Variants in ANP32B observed in about 807,000 individuals in gnomAD.
ANP32B encodes acidic leucine-rich nuclear phosphoprotein 32 family member B.
ANP32B carries 6 observed loss-of-function variants against 32.2 expected under a neutral mutation model. That is an observed-to-expected ratio of 0.19 (90% CI 0.10 to 0.37). ANP32B has a LOEUF of 0.37. Among genes scored for constraint, ANP32B ranks in the 10% least tolerant of loss-of-function variants. The probability of loss-of-function intolerance (pLI) is 1.00; values close to 1 mark genes in which losing one functional copy is unlikely to be tolerated. For synonymous variants in ANP32B, 98 were observed against 105.8 expected (o/e 0.93, Z 0.45); for missense variants, 204 against 289.2 (o/e 0.71, Z 2.14).
chr9:98,011,184 T>A, intron 4 of ANP32B, 87 bp from the exon 5 acceptor site: 1 of 1,490,942 alleles, frequency 6.7e-7, no homozygotes, highest in Non-Finnish European at 8.9e-7. Flanking sequence ...CAGCATTTGT[T>A]CTGTGAGCCA....
intron 4 of ANP32B, among the ~76,000 whole-genome samples, chr9:98,007,341 G>C (rs1564140774): frequency 1.3e-5 from 2 of 152,316 alleles, no homozygotes; most frequent in South Asian, 4.1e-4. Flanking sequence ...TCCTCTTTGA[G>C]CTAGCACCAT....
At chr9:98,005,387 C>T (rs1426807242) in intron 4 of ANP32B, 1 of 287,040 alleles carries the variant, frequency 3.5e-6, no homozygotes, top group Non-Finnish European at 6.6e-6. Flanking sequence ...TGGTGGCGCA[C>T]ACCTGGAGTC....
intron 1 of ANP32B, among the ~76,000 whole-genome samples, chr9:97,985,351 C>T (rs900140963): frequency 1.3e-5 from 2 of 152,228 alleles, no homozygotes; most frequent in South Asian, 2.1e-4. Context: ...CACCGCACGG[C>T]GCTGTCCTTC....
intron 4 of ANP32B, among the ~76,000 whole-genome samples, chr9:98,007,781 A>T (rs1828112075): frequency 6.6e-6 from 1 of 152,172 alleles, no homozygotes; most frequent in Non-Finnish European, 1.5e-5. Flanking sequence ...GTTTTGCAGG[A>T]TGTGATTAAA....
chr9:98,011,994 G>C (rs935601478), intron 5 of ANP32B, among the ~76,000 whole-genome samples: 1 of 152,158 alleles, frequency 6.6e-6, no homozygotes, highest in Non-Finnish European at 1.5e-5. Flanking sequence ...TTAACAAAAC[G>C]CATCCTCTTT....
At chr9:98,004,863 G>A (rs1460050408) in intron 3 of ANP32B, 101 bp from the exon 4 acceptor site, 1 of 912,780 alleles carries the variant, frequency 1.1e-6, no homozygotes, top group South Asian at 1.8e-5. Context: ...GTGGGTAGTG[G>A]AAATTGAATA....
intron 4 of ANP32B, among the ~76,000 whole-genome samples, chr9:98,011,058 A>G (rs1321252039): frequency 6.6e-6 from 1 of 152,090 alleles, no homozygotes; most frequent in East Asian, 1.9e-4. Flanking sequence ...CGAGAATTAT[A>G]GTGTTTGTCT....
chr9:98,007,399 TAGAG>T (rs368406117), intron 4 of ANP32B, among the ~76,000 whole-genome samples: 48 of 152,300 alleles, frequency 3.2e-4, no homozygotes, highest in African/African-American at 1.1e-3. Context: ...GCATAGTTGT[TAGAG>T]AGGATTGATG....
intron 4 of ANP32B, 198 bp downstream of exon 4, chr9:98,005,351 T>C (rs929752992): frequency 1.6e-5 from 6 of 365,176 alleles, no homozygotes; most frequent in South Asian, 4.6e-5. Context: ...CTACAGAAAA[T>C]AGAAAAAAAA....
chr9:98,011,898 A>G (rs567183722), intron 5 of ANP32B, among the ~76,000 whole-genome samples: 1 of 152,358 alleles, frequency 6.6e-6, no homozygotes, highest in South Asian at 2.1e-4. Context: ...CCCTGAGGAA[A>G]TAAATGCTAT....
intron 4 of ANP32B, among the ~76,000 whole-genome samples, chr9:98,008,481 G>C (rs1189426360): frequency 6.6e-6 from 1 of 152,220 alleles, no homozygotes; most frequent in Non-Finnish European, 1.5e-5. Flanking sequence ...AACTGGTTGA[G>C]ATCACAAATG....
chr9:98,012,620 T>C, intron 6 of ANP32B, 148 bp downstream of exon 6: 2 of 1,248,404 alleles, frequency 1.6e-6, no homozygotes, highest in Non-Finnish European at 2.2e-6. Context: ...TATCGTCCCA[T>C]CAGTGTGTCT....
chr9:97,987,264 TA>T (rs2131580136), intron 1 of ANP32B, among the ~76,000 whole-genome samples: 1 of 152,314 alleles, frequency 6.6e-6, no homozygotes, highest in Non-Finnish European at 1.5e-5. Context: ...GATGGCATTT[TA>T]AAGTAATCTT....
chr9:98,007,154 A>T (rs1828100261), intron 4 of ANP32B, among the ~76,000 whole-genome samples: 1 of 152,250 alleles, frequency 6.6e-6, no homozygotes, highest in South Asian at 2.1e-4. Context: ...CACTGAGAAC[A>T]TCTCATTCTT....
Position 98,015,669 on chromosome 9 carries a change from GT to G in ANP32B, c.*243del. 8.4e-7 allele frequency: 1 copy of G among 1,197,326 alleles called. No individual in the cohort carries two copies. Among genetic ancestry groups the G allele is most frequent in the South Asian group, 2.5e-5 (1 of 40,034 alleles). 74.2% of individuals were successfully genotyped at this position (1,197,326 alleles called of 1,614,324 possible). A position where few individuals can be genotyped will look rare whatever the true frequency, so the allele number is the denominator to read the frequency against. On this transcript the variant is annotated 3_prime_UTR_variant, in exon 7 of 7. Coordinates refer to ENST00000339399, the MANE Select transcript of ANP32B (RefSeq NM_006401.3). ...CCAACAAAATTGTAAGCGTTGTTAG[GT>G]TTTTGTGTAAGATTCTTGCTGTAGC... is the stretch of plus-strand genomic sequence containing the variant.
chr9:98,011,541 G>A (rs1408300037), intron 5 of ANP32B, 152 bp downstream of exon 5: 3 of 1,238,938 alleles, frequency 2.4e-6, no homozygotes, highest in Non-Finnish European at 3.3e-6. Context: ...TTAATTTAGT[G>A]TTTGTCTGGC....
intron 5 of ANP32B, 139 bp from the exon 6 acceptor site, chr9:98,012,282 A>G (rs1229792088): frequency 2.7e-6 from 3 of 1,101,758 alleles, no homozygotes; most frequent in Admixed American, 6.5e-5. Flanking sequence ...ATCAAAGTAG[A>G]TAAAAATAAC....
At chr9:97,984,376 G>A (rs928003568) in intron 1 of ANP32B, among the ~76,000 whole-genome samples, 2 of 151,386 alleles carry the variant, frequency 1.3e-5, no homozygotes, top group African/African-American at 2.4e-5. Context: ...CTCCCTCTTC[G>A]CCCTCGGCCT....
At chr9:98,014,767 T>A (rs1218288655) in intron 6 of ANP32B, among the ~76,000 whole-genome samples, 1 of 152,218 alleles carries the variant, frequency 6.6e-6, no homozygotes, top group Non-Finnish European at 1.5e-5. Context: ...TGTTTTGTTT[T>A]TTTGGAGACA....
Sources: allele counts gnomAD v4.1 joint callset (sites outside exome capture counted in the v4.1 genomes callset), GRCh38; gene constraint gnomAD v4.1.1; transcripts MANE v1.5; gene names NCBI Gene and HGNC (gene_info 2026-07-23, HGNC 2026-07-21).